The following PLEKHD1 variants were observed in gnomAD, a reference collection of about 807,000 sequenced individuals.
PLEKHD1 encodes the protein pleckstrin homology domain-containing family D member 1.
PLEKHD1 carries 51 observed loss-of-function variants against 69.2 expected under a neutral mutation model. The ratio of observed to expected loss-of-function variants is 0.74; its 90% CI spans 0.59 to 0.93. PLEKHD1 has a LOEUF of 0.93. Among genes scored for constraint, PLEKHD1 ranks in the 40% least tolerant of loss-of-function variants. The pLI is 0.00. For synonymous variants in PLEKHD1, 236 were observed against 244.7 expected, an observed-to-expected ratio of 0.96 and a Z score of 0.33; for missense variants, 584 against 641.0, an observed-to-expected ratio of 0.91 and a Z score of 0.96.
chr14:69,523,347 TATC>T (rs1883564778), intron 7 of PLEKHD1, among the ~76,000 whole-genome samples: 2 of 152,178 alleles, frequency 1.3e-5, no homozygotes, highest in Non-Finnish European at 1.5e-5. Flanking sequence ...TCCTCATCAT[TATC>T]ATCACCACAC....
chr14:69,483,327 G>A (rs1467081841), upstream of PLEKHD1, among the ~76,000 whole-genome samples: 1 of 151,816 alleles, frequency 6.6e-6, no homozygotes, highest in African/African-American at 2.4e-5. Flanking sequence ...TCTAGTGGGC[G>A]TCACACATCC....
Position 69,524,209 on chromosome 14 carries a change from C to A in PLEKHD1, c.651-20C>A. ...GTGGGGAGAGTGGGCACTGCCATACCCAGCCCTCTGTCTCCACAGGGAGCT... is the reference window on the plus strand; with the variant it reads ...GTGGGGAGAGTGGGCACTGCCATACACAGCCCTCTGTCTCCACAGGGAGCT... On this transcript the variant is annotated intron_variant, in intron 7 of 12. Coordinates refer to ENST00000322564, the MANE Select transcript of PLEKHD1 (RefSeq NM_001161498.2). The A allele has an allele frequency of 6.5e-7, 1 of 1,541,134 alleles. No homozygotes were observed. The highest frequency in any genetic ancestry group is 8.8e-7 in the Non-Finnish European group (1 of 1,137,524).
At chr14:69,525,249 G>A (rs944185284) in intron 8 of PLEKHD1, among the ~76,000 whole-genome samples, 19 of 152,294 alleles carry the variant, frequency 1.2e-4, no homozygotes, top group African/African-American at 4.6e-4. Context: ...CACATATGGT[G>A]TATGGCCCAT....
intron 9 of PLEKHD1, 55 bp downstream of exon 9, chr14:69,526,177 C>T: frequency 6.8e-7 from 1 of 1,479,290 alleles, no homozygotes; most frequent in Non-Finnish European, 9.0e-7. Context: ...TGGGGACTTT[C>T]CTCGAACTGG....
chr14:69,475,352 C>T, the PLEKHD1 span, among the ~76,000 whole-genome samples: 1 of 151,644 alleles, frequency 6.6e-6, no homozygotes, highest in Admixed American at 6.6e-5. Context: ...CACTGAATAC[C>T]TTCAGGGTGT....
At chr14:69,487,210 C>CACACACAT (rs1882673696) in intron 1 of PLEKHD1, among the ~76,000 whole-genome samples, 1 of 151,926 alleles carries the variant, frequency 6.6e-6, no homozygotes, top group Non-Finnish European at 1.5e-5. Flanking sequence ...CACACACACA[C>CACACACAT]ACACACACAC....
intron 6 of PLEKHD1, among the ~76,000 whole-genome samples, chr14:69,520,760 T>C (rs1883494800): frequency 6.6e-6 from 1 of 152,170 alleles, no homozygotes; most frequent in Admixed American, 6.5e-5. Context: ...TAATTATATT[T>C]ATATTATGTC....
At chr14:69,506,197 A>G (rs1883148471) in intron 6 of PLEKHD1, among the ~76,000 whole-genome samples, 1 of 152,184 alleles carries the variant, frequency 6.6e-6, no homozygotes, top group Non-Finnish European at 1.5e-5. Flanking sequence ...ATGATTTCTC[A>G]GTTATTTGAA....
chr14:69,498,474 A>G (rs1882940419), intron 1 of PLEKHD1, among the ~76,000 whole-genome samples: 1 of 152,228 alleles, frequency 6.6e-6, no homozygotes, highest in South Asian at 2.1e-4. Flanking sequence ...AGCTGCCAGT[A>G]GTCCCAGGCC....
At chr14:69,526,507 A>G (rs1029305700) in intron 9 of PLEKHD1, among the ~76,000 whole-genome samples, 190 bp from the exon 10 acceptor site, 5 of 151,882 alleles carry the variant, frequency 3.3e-5, no homozygotes, top group African/African-American at 1.2e-4. Flanking sequence ...CTGACTCTAA[A>G]CCTAGGGCTC....
At chr14:69,473,475 G>T in the PLEKHD1 span, among the ~76,000 whole-genome samples, 9 of 152,114 alleles carry the variant, frequency 5.9e-5, no homozygotes, top group Non-Finnish European at 1.2e-4. Flanking sequence ...ATCAGAAAGG[G>T]CATGGAACTG....
upstream of PLEKHD1, among the ~76,000 whole-genome samples, chr14:69,483,661 T>A (rs1184661742): frequency 6.6e-6 from 1 of 152,252 alleles, no homozygotes; most frequent in Admixed American, 6.5e-5. Flanking sequence ...GCAATGTGGA[T>A]CTGGCTCTCG....
At position 69,487,182 on chromosome 14, in the gene PLEKHD1, A is replaced by AACACACACACAC. The variant is rs199671230; in HGVS notation, c.149+2099_149+2110dup. On this transcript the variant is annotated intron_variant, in intron 1 of 12. Coordinates refer to ENST00000322564, the MANE Select transcript of PLEKHD1 (RefSeq NM_001161498.2). ...TGTGTTCTCAGTTCTGGGAATACAC[A>AACACACACACAC]ACACACACACACACACACACACACA... Among the ~76,000 whole-genome samples, 876 of 140,426 alleles carry AACACACACACAC rather than the reference A, an allele frequency of 6.2e-3. 5 individuals are homozygous for AACACACACACAC. The highest frequency in any genetic ancestry group is 9.8e-3 in the African/African-American group (364 of 37,274). The allele number at this position is 140,426 out of a possible 152,430, so 92.1% of individuals were successfully genotyped here.
At chr14:69,512,168 A>G in intron 6 of PLEKHD1, among the ~76,000 whole-genome samples, 1 of 152,172 alleles carries the variant, frequency 6.6e-6, no homozygotes, top group East Asian at 1.9e-4. Flanking sequence ...TGAGTTATCA[A>G]ATTTATTGGC....
Position 69,525,979 on chromosome 14 carries a change from G to T in PLEKHD1, c.780G>T (p.Met260Ile). 1.3e-6 allele frequency: 2 copies of T among 1,551,682 alleles called. No individual in the cohort carries two copies. The highest frequency in any genetic ancestry group is 1.7e-6 in the Non-Finnish European group (2 of 1,146,998). ...LSIEKKKTLE[M>I]LEENENHLQT... ...TAGAGAAGAAGAAAACCCTGGAAAT[G>T]CTGGAGGAGAACGAGAACCACCTGC... Residue 260 changes from methionine (M) to isoleucine (I), a missense_variant, in exon 9 of 13, where the codon ATG becomes ATT. Coordinates refer to ENST00000322564, the MANE Select transcript of PLEKHD1 (RefSeq NM_001161498.2).
At chr14:69,516,439 G>C (rs951067751) in intron 6 of PLEKHD1, among the ~76,000 whole-genome samples, 2 of 151,900 alleles carry the variant, frequency 1.3e-5, no homozygotes, top group African/African-American at 4.8e-5. Context: ...TGGATATTCA[G>C]TTTTATGGAC....
Position 69,526,121 on chromosome 14 carries a change from C to G in PLEKHD1, c.922C>G (p.Arg308Gly), listed in dbSNP as rs202048326. Residue 308 changes from arginine to glycine, a missense_variant and splice_region_variant, in exon 9 of 13, where the codon CGG becomes GGG. Arg to Gly is a moderately radical substitution (Grantham distance 125). Coordinates refer to ENST00000322564, the MANE Select transcript of PLEKHD1 (RefSeq NM_001161498.2). Reference protein sequence around the residue: ...LLEEKLLAEKRMKENEERSRA... With the variant: ...LLEEKLLAEKGMKENEERSRA... ...AGAGGAGAAGCTCCTGGCAGAGAAGCGGTGAGGGAGCCCCGACCCCTGAAG... is the reference window on the plus strand; with the variant it reads ...AGAGGAGAAGCTCCTGGCAGAGAAGGGGTGAGGGAGCCCCGACCCCTGAAG... 2.5e-5 allele frequency: 39 copies of G among 1,548,538 alleles called. No individual in the cohort carries two copies. Among genetic ancestry groups the G allele is most frequent in the Non-Finnish European group, 8.7e-7 (1 of 1,145,998 alleles).
intron 6 of PLEKHD1, among the ~76,000 whole-genome samples, chr14:69,504,164 C>A (rs913618564): frequency 1.1e-4 from 16 of 152,354 alleles, no homozygotes; most frequent in Admixed American, 7.8e-4. Flanking sequence ...ATAGTACATG[C>A]TTAACGAATA....
chr14:69,488,504 T>G (rs1248165840), intron 1 of PLEKHD1, among the ~76,000 whole-genome samples: 1 of 152,146 alleles, frequency 6.6e-6, no homozygotes, highest in Non-Finnish European at 1.5e-5. Flanking sequence ...ACAAGCAGAA[T>G]TGTAACATTT....
Sources: gnomAD v4.1 joint callset for allele counts (sites outside exome capture counted in the v4.1 genomes callset) on GRCh38, gnomAD v4.1.1 for gene constraint, MANE v1.5 for transcripts, NCBI Gene and HGNC (gene_info 2026-07-23, HGNC 2026-07-21) for gene names.